LRP1B: variants seen among roughly 807,000 people sequenced by gnomAD.
LRP1B encodes the protein LDL receptor related protein 1B.
A neutral mutation model predicts 556.6 loss-of-function variants in LRP1B; 217 were observed. The ratio of observed to expected loss-of-function variants is 0.39; its 90% CI spans 0.35 to 0.44. The LOEUF is 0.44. Among genes scored for constraint, LRP1B ranks in the 20% least tolerant of loss-of-function variants. The pLI, the probability that LRP1B is intolerant of heterozygous loss-of-function variation, is 1.00. For missense variants in LRP1B, 5,053 were observed against 5,620.8 expected (o/e 0.90, Z 3.23); for synonymous variants, 2,047 against 1,865.8 (o/e 1.10, Z -2.50).
intron 2 of LRP1B, among the ~76,000 whole-genome samples, chr2:141,534,058 A>C (rs563562857): frequency 6.6e-6 from 1 of 151,638 alleles, no homozygotes; most frequent in African/African-American, 2.4e-5. Flanking sequence ...AGAGAGTGTG[A>C]GAGAGAGAGA....
At chr2:142,004,411 G>A (rs1360996888) in intron 1 of LRP1B, among the ~76,000 whole-genome samples, 8 of 151,346 alleles carry the variant, frequency 5.3e-5, no homozygotes, top group Non-Finnish European at 5.9e-5. Flanking sequence ...AGGTAGATGT[G>A]AAACAAATGA....
rs138652859 is a variant in LRP1B, at chr2:141,967,144, T to C, written c.83-156743A>G. 3.6e-4 allele frequency among the ~76,000 whole-genome samples: 55 copies of C among 152,080 alleles called. 1 individual carries two copies. The highest frequency in any genetic ancestry group is 7.4e-4 in the Non-Finnish European group (50 of 67,924). ...ATTGATATTTGCTTAGTATTTATTT[T>C]AGAGCCCTTGTTTCTTTCCTTACTA... On this transcript the variant is annotated intron_variant, in intron 1 of 90. Transcript: ENST00000389484.
At chr2:141,297,219 C>T (rs557455345) in intron 3 of LRP1B, among the ~76,000 whole-genome samples, 5 of 152,028 alleles carry the variant, frequency 3.3e-5, no homozygotes, top group Non-Finnish European at 7.4e-5. Context: ...TGGGTATATA[C>T]CTAGTAAGGG....
intron 17 of LRP1B, among the ~76,000 whole-genome samples, chr2:140,989,156 T>C (rs1697014801): frequency 1.3e-5 from 2 of 151,950 alleles, no homozygotes; most frequent in South Asian, 4.1e-4. Flanking sequence ...ATAAAATTTA[T>C]AAATTATTTT....
chr2:141,258,033 C>G (rs1418920037), intron 3 of LRP1B, among the ~76,000 whole-genome samples: 1 of 152,176 alleles, frequency 6.6e-6, no homozygotes, highest in African/African-American at 2.4e-5. Flanking sequence ...TAGCCATTGG[C>G]TTATGTAACA....
At chr2:140,758,218 G>A (rs192615402) in intron 35 of LRP1B, among the ~76,000 whole-genome samples, 1 of 152,076 alleles carries the variant, frequency 6.6e-6, no homozygotes, top group East Asian at 1.9e-4. Flanking sequence ...ATAATATAAT[G>A]TATTCCTATT....
chr2:140,272,252 CACACAA>C (rs1476272484), intron 85 of LRP1B, among the ~76,000 whole-genome samples: 2 of 65,258 alleles, frequency 3.1e-5, no homozygotes, highest in African/African-American at 4.9e-5. Flanking sequence ...CGTATGTGCA[CACACAA>C]ACACACACAC....
At position 141,536,369 on chromosome 2, in the gene LRP1B, T is replaced by C. The variant is rs576733477; in HGVS notation, c.206-55836A>G. ...TTAATAGTAGTTTTTAACTTGTTGT[T>C]ATTAAATTGACCCTCCTTTCTCTCT... On this transcript the variant is annotated intron_variant, in intron 2 of 90. Transcript: ENST00000389484. Among the ~76,000 whole-genome samples, 233 of 152,194 alleles carry C rather than the reference T, an allele frequency of 1.5e-3. 1 individual carries two copies. The highest frequency in any genetic ancestry group is 3.4e-3 in the Middle Eastern group (1 of 294).
At chr2:140,292,162 C>T (rs1370652080) in intron 84 of LRP1B, among the ~76,000 whole-genome samples, 1 of 152,128 alleles carries the variant, frequency 6.6e-6, no homozygotes, top group East Asian at 1.9e-4. Flanking sequence ...GGTTCCTGTG[C>T]TCTCTAAATT....
At chr2:141,130,925 C>A (rs957612631) in intron 7 of LRP1B, among the ~76,000 whole-genome samples, 41 of 152,182 alleles carry the variant, frequency 2.7e-4, no homozygotes, top group African/African-American at 9.6e-4. Context: ...AACACAGGAA[C>A]AGAAAACCAA....
chr2:140,889,418 C>T (rs572014679), intron 23 of LRP1B, among the ~76,000 whole-genome samples: 16 of 152,270 alleles, frequency 1.1e-4, no homozygotes, highest in Admixed American at 3.3e-4. Flanking sequence ...GCCTCAGCCA[C>T]CTGAATAGCT....
At chr2:141,710,711 G>A (rs1014264494) in intron 2 of LRP1B, among the ~76,000 whole-genome samples, 3 of 152,132 alleles carry the variant, frequency 2.0e-5, no homozygotes, top group African/African-American at 7.2e-5. Context: ...AAAATACAGT[G>A]AAAAGATTCT....
At chr2:142,007,897 T>A (rs973679081) in intron 1 of LRP1B, among the ~76,000 whole-genome samples, 1 of 152,194 alleles carries the variant, frequency 6.6e-6, no homozygotes, top group Non-Finnish European at 1.5e-5. Context: ...CAATTCCAGA[T>A]AATGATCCCT....
At chr2:141,197,681 G>T (rs1681813634) in intron 6 of LRP1B, among the ~76,000 whole-genome samples, 1 of 152,116 alleles carries the variant, frequency 6.6e-6, no homozygotes, top group Admixed American at 6.6e-5. Flanking sequence ...GAAAACAAGT[G>T]ACCAGTTAGG....
intron 79 of LRP1B, among the ~76,000 whole-genome samples, chr2:140,334,128 C>T (rs607494): frequency 0.68 from 103,711 of 151,850 alleles, 35,769 homozygotes; most frequent in Non-Finnish European, 0.74. Context: ...TATCCCAACT[C>T]CATTAACATA....
In LRP1B at chr2:141,125,472, T is replaced by C. The variant is rs542528864; in HGVS notation, c.1013+62949A>G. ...AAAGAAGATAGGAAGTGCATTTTAA[T>C]AATCATGGCTGATGATGCTAGCATT... is the stretch of plus-strand genomic sequence containing the variant. On this transcript the variant is annotated intron_variant, in intron 7 of 90. Transcript: ENST00000389484. Among the ~76,000 whole-genome samples the C allele has an allele frequency of 4.6e-5, 7 of 152,314 alleles. No individual in the cohort carries two copies. The East Asian group carries it at 1.2e-3, about 25-fold the overall frequency.
intron 67 of LRP1B, among the ~76,000 whole-genome samples, chr2:140,384,012 C>T (rs182925256): frequency 3.5e-4 from 54 of 152,268 alleles, no homozygotes; most frequent in African/African-American, 1.3e-3. Context: ...GATGTCAGTA[C>T]AATGATATTC....
At chr2:142,024,128 T>C (rs1334489294) in intron 1 of LRP1B, among the ~76,000 whole-genome samples, 2 of 152,204 alleles carry the variant, frequency 1.3e-5, no homozygotes, top group African/African-American at 4.8e-5. Flanking sequence ...GGAGTTTGCC[T>C]ACTAGGCAAG....
chr2:140,243,219 T>C (rs1386140101), intron 87 of LRP1B, among the ~76,000 whole-genome samples: 5 of 151,098 alleles, frequency 3.3e-5, no homozygotes, highest in African/African-American at 9.7e-5. Context: ...TAAATCAATA[T>C]TGAGCATAGG....
Sources: gnomAD v4.1 joint callset for allele counts (sites outside exome capture counted in the v4.1 genomes callset) on GRCh38, gnomAD v4.1.1 for gene constraint, MANE v1.5 for transcripts, NCBI Gene and HGNC (gene_info 2026-07-23, HGNC 2026-07-21) for gene names.